The following PRAME variants were observed in gnomAD, a reference collection of about 807,000 sequenced individuals.
The protein encoded by PRAME is PRAME nuclear receptor transcriptional regulator.
In PRAME, 21 loss-of-function variants were observed where a neutral mutation model predicts 32.1. That is an observed-to-expected ratio of 0.65 (90% CI 0.46 to 0.94). PRAME has a LOEUF of 0.94. Ranked by LOEUF, PRAME falls within the 40% of genes least tolerant of loss-of-function variation. PRAME has a pLI of 0.00. For synonymous variants in PRAME, 274 were observed against 251.5 expected (o/e 1.09, Z -0.85); for missense variants, 651 against 622.3 (o/e 1.05, Z -0.49).
chr22:22,551,642 A>C (rs5996141), intron 3 of PRAME, among the ~76,000 whole-genome samples: 16,645 of 150,818 alleles, frequency 0.11, 1,361 homozygotes, highest in East Asian at 0.27. Context: ...AATAAAAAAA[A>C]AACATTCTGA....
chr22:22,550,383 T>A lies in PRAME; in HGVS notation c.345-49A>T, dbSNP rs776556045. ...GCTGAGATGATGCTTTAAGATCAAC[T>A]CAAAATAAGACCATGAGTCTCATAA... On this transcript the variant is annotated intron_variant, in intron 4 of 5. Coordinates refer to ENST00000405655, the MANE Select transcript of PRAME (RefSeq NM_206956.3). The A allele has an allele frequency of 1.8e-5, 28 of 1,580,512 alleles. No individual in the cohort carries two copies. The African/African-American group carries it at 3.8e-4, about 21-fold the overall frequency.
chr22:22,554,755 A>T (rs915183109), intron 3 of PRAME, among the ~76,000 whole-genome samples: 6 of 151,928 alleles, frequency 3.9e-5, no homozygotes, highest in African/African-American at 1.5e-4. Context: ...TTCCCTCCCT[A>T]TCAAACAATC....
At position 22,550,156 on chromosome 22, in the gene PRAME, C is replaced by T. The variant is rs544932517; in HGVS notation, c.523G>A (p.Val175Ile). 5.6e-6 allele frequency: 9 copies of T among 1,613,888 alleles called. 1 individual carries two copies. The highest frequency in any genetic ancestry group is 2.2e-5 in the South Asian group (2 of 91,070). ...AGGAACAGGTCTACGAGCACCTCTA[C>T]TGGAATGAAGGGCTGCTCTGCCTCT... ...STEAEQPFIPVEVLVDLFLKE... is the reference protein window; with the variant it reads ...STEAEQPFIPIEVLVDLFLKE... Residue 175 changes from valine (V) to isoleucine (I), a missense_variant, in exon 5 of 6, where the codon GTA becomes ATA. Coordinates refer to ENST00000405655, the MANE Select transcript of PRAME (RefSeq NM_206956.3).
intron 5 of PRAME, 134 bp downstream of exon 5, chr22:22,549,592 C>G: frequency 4.2e-6 from 5 of 1,197,018 alleles, no homozygotes; most frequent in Non-Finnish European, 5.7e-6. Context: ...CAGTGGTGAA[C>G]AAGACGTGTT....
intron 3 of PRAME, among the ~76,000 whole-genome samples, chr22:22,551,528 A>C (rs1398960765): frequency 2.6e-5 from 4 of 151,988 alleles, no homozygotes; most frequent in Admixed American, 6.6e-5. Flanking sequence ...AAAGATGAGG[A>C]ACACACACAC....
In PRAME at chr22:22,548,635, A is replaced by C. The variant is rs750505216; in HGVS notation, c.962T>G (p.Met321Arg). The C allele has an allele frequency of 3.1e-6, 5 of 1,595,514 alleles. No homozygotes were observed. Among genetic ancestry groups the C allele is most frequent in the Non-Finnish European group, 8.5e-7 (1 of 1,175,224 alleles). ...GRLDQLLRHV[M>R]NPLETLSITN... ...TATTGAGAGGGTTTCCAAGGGGTTC[A>C]TCACGTGCCTGCAAATAGACAAAGC... Residue 321 changes from methionine to arginine, a missense_variant, in exon 6 of 6, where the codon ATG (methionine) becomes AGG (arginine). Met to Arg is a moderately conservative substitution (Grantham distance 91, BLOSUM62 -1). Coordinates refer to ENST00000405655, the MANE Select transcript of PRAME (RefSeq NM_206956.3).
At chr22:22,552,516 T>A (rs1489910299) in intron 3 of PRAME, among the ~76,000 whole-genome samples, 1 of 151,816 alleles carries the variant, frequency 6.6e-6, no homozygotes, top group Non-Finnish European at 1.5e-5. Context: ...GTAATGGTTA[T>A]ACTAATTACC....
At chr22:22,552,905 A>G (rs2062679724) in intron 3 of PRAME, 1 of 470,662 alleles carries the variant, frequency 2.1e-6, no homozygotes, top group African/African-American at 2.0e-5. Flanking sequence ...GGCCCCTCTG[A>G]AGCTATTACA....
At chr22:22,548,785 G>A (rs773078291) in intron 5 of PRAME, 142 bp from the exon 6 acceptor site, 2 of 753,666 alleles carry the variant, frequency 2.7e-6, no homozygotes, top group Non-Finnish European at 4.2e-6. Flanking sequence ...GAGCATTCAA[G>A]GAGTACAAGT....
Position 22,547,876 on chromosome 22 carries a change from C to T in PRAME, c.*191G>A, listed in dbSNP as rs533401494. 2 of 634,248 alleles carry T rather than the reference C, an allele frequency of 3.2e-6. No homozygotes were observed. Among genetic ancestry groups the T allele is most frequent in the South Asian group, 2.0e-5 (1 of 50,302 alleles). The allele number at this position is 634,248 out of a possible 1,614,324, so 39.3% of individuals were successfully genotyped here. On this transcript the variant is annotated 3_prime_UTR_variant, in exon 6 of 6. Coordinates refer to ENST00000405655, the MANE Select transcript of PRAME (RefSeq NM_206956.3). ...CATTAACTCCTCAAGTCAACATCTG[C>T]CTACCCCCAACTTCCCCTTTTTTTC...
chr22:22,550,628 C>A (rs1268873386), intron 4 of PRAME, 139 bp downstream of exon 4: 5 of 1,023,648 alleles, frequency 4.9e-6, no homozygotes, highest in Non-Finnish European at 7.1e-6. Flanking sequence ...CCTGCAGTAG[C>A]CCCAAGGCCT....
rs754890608 is a variant in PRAME, at chr22:22,548,555, C to G, written c.1042G>C (p.Val348Leu). Residue 348 changes from valine (V) to leucine (L), a missense_variant, in exon 6 of 6, where the codon GTC becomes CTC. Physicochemically the swap from Val to Leu is conservative, Grantham distance 32. Transcript: ENST00000405655. ...DVMHLSQSPS[V>L]SQLSVLSLSG... ...AGACTCAGGACACTTAGCTGACTGA[C>G]GCTGGGACTCTGGGACAGATGCATC... is the stretch of plus-strand genomic sequence containing the variant. The G allele has an allele frequency of 3.1e-6, 5 of 1,613,298 alleles. No individual in the cohort carries two copies. The highest frequency in any genetic ancestry group is 4.2e-6 in the Non-Finnish European group (5 of 1,179,930).
Position 22,556,842 on chromosome 22 carries a change from A to C in PRAME, c.-10T>G, listed in dbSNP as rs1313690941. ...AACGCCTTCGTTCCATTTTGAAGCG[A>C]CTTAGGCTGGCCTCAGGACCTCCAA... On this transcript the variant is annotated 5_prime_UTR_variant, in exon 3 of 6. Coordinates refer to ENST00000405655, the MANE Select transcript of PRAME (RefSeq NM_206956.3). The C allele has an allele frequency of 6.2e-7, 1 of 1,612,706 alleles. No homozygotes were observed. Among genetic ancestry groups the C allele is most frequent in the Non-Finnish European group, 8.5e-7 (1 of 1,179,876 alleles).
chr22:22,557,331 C>A (rs1387568186), intron 2 of PRAME: 1 of 168,554 alleles, frequency 5.9e-6, no homozygotes, highest in African/African-American at 2.4e-5. Context: ...AGCACCGCCG[C>A]CTCGGTTCAA....
In PRAME at chr22:22,550,264, T is replaced by C. The variant is rs763485169; in HGVS notation, c.415A>G (p.Asn139Asp). 5 of 1,613,662 alleles carry C rather than the reference T, an allele frequency of 3.1e-6. No homozygotes were observed. The highest frequency in any genetic ancestry group is 4.2e-6 in the Non-Finnish European group (5 of 1,179,962). ...GGAAATGAGTACAGACTGGCCCTGT[T>C]TCCAGACCATACAGTCCAGAAGTCC... is the stretch of plus-strand genomic sequence containing the variant. ...HQDFWTVWSG[N>D]RASLYSFPEP... The change falls in exon 5 of 6, where the codon AAC (asparagine) becomes GAC (aspartate). Residue 139 changes from asparagine (N) to aspartate (D), a missense_variant. Coordinates refer to ENST00000405655, the MANE Select transcript of PRAME (RefSeq NM_206956.3).
rs1401449731 is a variant in PRAME at position 22,552,943 on chromosome 22, A to G, written c.22-1854T>C. 3 of 470,644 alleles carry G rather than the reference A, an allele frequency of 6.4e-6. No individual in the cohort carries two copies. The Admixed American group carries it at 7.1e-5, about 11-fold the overall frequency. 29.2% of individuals were successfully genotyped at this position (470,644 alleles called of 1,614,324 possible). ...CCTTTCTGGGCATACCTCCCCTTTC[A>G]ACTCCACGCTGCCAACGGAAGAGCC... On this transcript the variant is annotated intron_variant, in intron 3 of 5. Coordinates refer to ENST00000405655, the MANE Select transcript of PRAME (RefSeq NM_206956.3).
chr22:22,552,421 A>G (rs2062639805), intron 3 of PRAME, among the ~76,000 whole-genome samples: 1 of 137,092 alleles, frequency 7.3e-6, no homozygotes, highest in South Asian at 2.3e-4. Flanking sequence ...AAAAAAAAAA[A>G]GCCGTTTAAG....
intron 2 of PRAME, 50 bp from the exon 3 acceptor site, chr22:22,556,959 T>C: frequency 8.0e-7 from 1 of 1,247,816 alleles, no homozygotes; most frequent in Non-Finnish European, 1.2e-6. Flanking sequence ...ATGTATAATA[T>C]TTACGAAGCA....
chr22:22,556,685 A>C (rs2062944322), intron 3 of PRAME, 127 bp downstream of exon 3: 1 of 1,125,544 alleles, frequency 8.9e-7, no homozygotes, highest in Non-Finnish European at 1.3e-6. Context: ...AAACAATAAA[A>C]GCGGCTCCTG....
Sources: gnomAD v4.1 joint callset for allele counts (sites outside exome capture counted in the v4.1 genomes callset) on GRCh38, gnomAD v4.1.1 for gene constraint, MANE v1.5 for transcripts, NCBI Gene and HGNC (gene_info 2026-07-23, HGNC 2026-07-21) for gene names.